BIN3: variants seen among roughly 807,000 people sequenced by gnomAD.
BIN3 encodes bridging integrator 3.
BIN3 carries 41 observed loss-of-function variants against 38.2 expected under a neutral mutation model. The observed-to-expected ratio is 1.07, with a 90% CI of 0.84 to 1.39. The LOEUF is 1.39. Among genes scored for constraint, BIN3 ranks in the 40% most tolerant of loss-of-function variants. The pLI, the probability that BIN3 is intolerant of heterozygous loss-of-function variation, is 0.00. For missense variants in BIN3, 361 were observed against 324.3 expected (o/e 1.11, Z -0.87); for synonymous variants, 145 against 122.6 (o/e 1.18, Z -1.21).
chr8:22,640,584 C>G (rs908954727), intron 2 of BIN3, among the ~76,000 whole-genome samples: 2 of 152,126 alleles, frequency 1.3e-5, no homozygotes, highest in African/African-American at 4.8e-5. Context: ...TAAAACTAAG[C>G]ACTACTTGGC....
At chr8:22,630,308 T>C (rs1464797879) in intron 5 of BIN3, 134 bp downstream of exon 5, 1 of 1,315,492 alleles carries the variant, frequency 7.6e-7, no homozygotes, top group Non-Finnish European at 1.1e-6. Context: ...TGCAGCACCT[T>C]GCAGCACACG....
At chr8:22,630,648 C>T (rs566615423) in intron 4 of BIN3, 70 bp from the exon 5 acceptor site, 56 of 1,572,882 alleles carry the variant, frequency 3.6e-5, no homozygotes, top group Middle Eastern at 3.7e-4. Flanking sequence ...TCCAGGACCC[C>T]GTCCTCCTAT....
chr8:22,663,610 C>A (rs879451646), intron 1 of BIN3, among the ~76,000 whole-genome samples: 1 of 152,162 alleles, frequency 6.6e-6, no homozygotes, highest in Admixed American at 6.5e-5. Flanking sequence ...AAAGCCTAGG[C>A]TCAATTTCAA....
At chr8:22,649,053 A>G (rs1375284293) in intron 1 of BIN3, among the ~76,000 whole-genome samples, 3 of 152,166 alleles carry the variant, frequency 2.0e-5, no homozygotes, top group Admixed American at 2.0e-4. Context: ...TTAGTATTCA[A>G]TGTGCTTCTG....
intron 5 of BIN3, 71 bp downstream of exon 5, chr8:22,630,371 C>G: frequency 6.3e-7 from 1 of 1,588,718 alleles, no homozygotes; most frequent in Non-Finnish European, 8.6e-7. Context: ...CGGGCCTCCC[C>G]GCACAGTCCA....
intron 4 of BIN3, among the ~76,000 whole-genome samples, chr8:22,634,694 C>T (rs1802313977): frequency 6.6e-6 from 1 of 152,160 alleles, no homozygotes; most frequent in African/African-American, 2.4e-5. Flanking sequence ...TGAGGCCGCC[C>T]CATTTGCACT....
chr8:22,651,682 G>A (rs1802897339), intron 1 of BIN3, among the ~76,000 whole-genome samples: 1 of 152,132 alleles, frequency 6.6e-6, no homozygotes, highest in Admixed American at 6.6e-5. Context: ...AAGCCACTCT[G>A]ATTCCCATCC....
intron 2 of BIN3, among the ~76,000 whole-genome samples, chr8:22,641,423 A>G (rs1278636477): frequency 6.6e-6 from 1 of 152,224 alleles, no homozygotes; most frequent in East Asian, 1.9e-4. Flanking sequence ...GAAGTGAATG[A>G]ACAGGCTGAG....
intron 1 of BIN3, among the ~76,000 whole-genome samples, chr8:22,649,479 T>C (rs1373100734): frequency 6.6e-6 from 1 of 150,646 alleles, no homozygotes; most frequent in Non-Finnish European, 1.5e-5. Context: ...TGGGTGGGGG[T>C]ATAAGGGAGG....
At chr8:22,657,819 C>A (rs1327032534) in intron 1 of BIN3, among the ~76,000 whole-genome samples, 3 of 152,238 alleles carry the variant, frequency 2.0e-5, no homozygotes, top group African/African-American at 7.2e-5. Context: ...CCACTGCAGG[C>A]ACAGGGGACT....
chr8:22,664,492 C>A (rs1803348563), intron 1 of BIN3, among the ~76,000 whole-genome samples: 1 of 152,246 alleles, frequency 6.6e-6, no homozygotes, highest in South Asian at 2.1e-4. Flanking sequence ...GAGCCAGTTA[C>A]AGAACACCTA....
intron 4 of BIN3, chr8:22,634,633 A>ACCCG: frequency 2.3e-6 from 1 of 430,256 alleles, no homozygotes; most frequent in Admixed American, 2.5e-5. Flanking sequence ...CTCAAGTCCC[A>ACCCG]CCCGTAGGTG....
At chr8:22,630,410 T>C (rs1802154136) in intron 5 of BIN3, 32 bp downstream of exon 5, 1 of 1,612,012 alleles carries the variant, frequency 6.2e-7, no homozygotes, top group Admixed American at 1.7e-5. Flanking sequence ...GCAGAAGTCA[T>C]GCTTGCCCAC....
intron 4 of BIN3, among the ~76,000 whole-genome samples, chr8:22,631,177 T>C (rs1036249923): frequency 6.6e-6 from 1 of 152,156 alleles, no homozygotes; most frequent in South Asian, 2.1e-4. Flanking sequence ...TAGGTCAGAT[T>C]AGGCCAGCAG....
chr8:22,659,982 C>T (rs1460114341), intron 1 of BIN3, among the ~76,000 whole-genome samples: 2 of 152,086 alleles, frequency 1.3e-5, no homozygotes, highest in Non-Finnish European at 2.9e-5. Context: ...TACTCACCCC[C>T]CAAGAATGGT....
rs962749322 is a variant in BIN3, at chr8:22,620,606, C to G, written c.*816G>C. 2.0e-5 allele frequency: 3 copies of G among 152,160 alleles called. No homozygotes were observed. The highest frequency in any genetic ancestry group is 6.5e-5 in the Admixed American group (1 of 15,274). 9.4% of individuals were successfully genotyped at this position (152,160 alleles called of 1,614,324 possible). Reference sequence around the variant, plus strand: ...AGGGCCGGGGAGGTGCGCACACACCCCTGGCATGCTGGGCTGCCTGCTGGA... The same window carrying G: ...AGGGCCGGGGAGGTGCGCACACACCGCTGGCATGCTGGGCTGCCTGCTGGA... On this transcript the variant is annotated 3_prime_UTR_variant, in exon 9 of 9. Coordinates refer to ENST00000276416, the MANE Select transcript of BIN3 (RefSeq NM_018688.6).
At chr8:22,659,961 G>A (rs1486569864) in intron 1 of BIN3, among the ~76,000 whole-genome samples, 1 of 152,198 alleles carries the variant, frequency 6.6e-6, no homozygotes, top group Admixed American at 6.5e-5. Context: ...AGAAGTTACA[G>A]AGATTAAGTA....
intron 2 of BIN3, 49 bp from the exon 3 acceptor site, chr8:22,637,011 G>GA (rs760751213): frequency 1.3e-6 from 2 of 1,563,452 alleles, no homozygotes; most frequent in South Asian, 2.2e-5. Flanking sequence ...CAACACGGTG[G>GA]AAAAAACCTC....
At chr8:22,662,116 G>A (rs1388319081) in intron 1 of BIN3, among the ~76,000 whole-genome samples, 1 of 152,148 alleles carries the variant, frequency 6.6e-6, no homozygotes, top group East Asian at 1.9e-4. Context: ...ATCATGTAAA[G>A]ACATCACAAT....
Sources: gnomAD v4.1 joint callset for allele counts (sites outside exome capture counted in the v4.1 genomes callset) on GRCh38, gnomAD v4.1.1 for gene constraint, MANE v1.5 for transcripts, NCBI Gene and HGNC (gene_info 2026-07-23, HGNC 2026-07-21) for gene names.